The following MTSS1 variants were observed in gnomAD, a reference collection of about 807,000 sequenced individuals.
MTSS1 encodes the protein protein MTSS 1.
In MTSS1, 18 loss-of-function variants were observed where a neutral mutation model predicts 79.0. The ratio of observed to expected loss-of-function variants is 0.23; its 90% CI spans 0.16 to 0.34. The LOEUF (loss-of-function observed/expected upper bound fraction) is 0.34. Ranked by LOEUF, MTSS1 falls within the 10% of genes least tolerant of loss-of-function variation. The pLI is 1.00. For synonymous variants in MTSS1, 341 were observed against 368.6 expected (o/e 0.93, Z 0.86); for missense variants, 815 against 986.2 (o/e 0.83, Z 2.33).
intron 11 of MTSS1, among the ~76,000 whole-genome samples, chr8:124,556,996 C>T (rs890921273): frequency 3.3e-5 from 5 of 152,224 alleles, no homozygotes; most frequent in African/African-American, 7.2e-5. Context: ...CTGCTTAAAA[C>T]GCTGGCAGCC....
intron 6 of MTSS1, among the ~76,000 whole-genome samples, chr8:124,584,435 A>G (rs1830512232): frequency 6.6e-6 from 1 of 152,216 alleles, no homozygotes; most frequent in Non-Finnish European, 1.5e-5. Flanking sequence ...GTGCTTGCAA[A>G]GTGGATGCTG....
At chr8:124,630,913 C>G (rs1163255292) in intron 3 of MTSS1, among the ~76,000 whole-genome samples, 1 of 152,226 alleles carries the variant, frequency 6.6e-6, no homozygotes, top group Non-Finnish European at 1.5e-5. Context: ...CCATGGCATT[C>G]TGAACCTGCT....
intron 3 of MTSS1, among the ~76,000 whole-genome samples, chr8:124,685,069 G>A (rs2135075049): frequency 6.6e-6 from 1 of 152,254 alleles, no homozygotes; most frequent in Admixed American, 6.5e-5. Flanking sequence ...TATAAACCAA[G>A]AAATTCACTA....
intron 1 of MTSS1, among the ~76,000 whole-genome samples, chr8:124,722,140 A>G (rs1282326149): frequency 2.0e-5 from 3 of 151,724 alleles, no homozygotes; most frequent in Admixed American, 2.0e-4. Flanking sequence ...TTTTTCACCC[A>G]CTTACATTAG....
chr8:124,575,051 A>G (rs1443096265), intron 6 of MTSS1, among the ~76,000 whole-genome samples: 1 of 152,182 alleles, frequency 6.6e-6, no homozygotes, highest in Non-Finnish European at 1.5e-5. Context: ...CAAATGAAAC[A>G]TGGGATATAA....
chr8:124,598,431 G>A (rs910033145), intron 3 of MTSS1, among the ~76,000 whole-genome samples: 12 of 152,250 alleles, frequency 7.9e-5, no homozygotes, highest in Admixed American at 2.6e-4. Context: ...GTCCCCAGGG[G>A]GCAAACTCGT....
At chr8:124,650,626 C>T (rs749110862) in intron 3 of MTSS1, among the ~76,000 whole-genome samples, 12 of 152,170 alleles carry the variant, frequency 7.9e-5, no homozygotes, top group Non-Finnish European at 1.5e-4. Context: ...CTGCCATGCA[C>T]GAACATCACA....
chr8:124,659,079 T>G (rs1821516369), intron 3 of MTSS1, among the ~76,000 whole-genome samples: 1 of 152,218 alleles, frequency 6.6e-6, no homozygotes, highest in Non-Finnish European at 1.5e-5. Flanking sequence ...CCTCTTAATA[T>G]TAACCTGCCA....
chr8:124,690,173 C>T (rs538497612), intron 3 of MTSS1, among the ~76,000 whole-genome samples: 5 of 152,346 alleles, frequency 3.3e-5, no homozygotes, highest in Admixed American at 1.3e-4. Context: ...GCCGCCGCCA[C>T]CACCATCGCA....
Position 124,727,662 on chromosome 8 carries a change from G to A in MTSS1, c.72+222C>T, listed in dbSNP as rs1833929418. ...GACAATGAGCGGGGGAGATGGCGTG[G>A]GACAGCAGACACCCCCCAGAGAAGC... On this transcript the variant is annotated intron_variant, in intron 1 of 13. Coordinates refer to ENST00000518547, the MANE Select transcript of MTSS1 (RefSeq NM_014751.6). The surrounding 1 kb of genome is among the most constrained non-coding windows in gnomAD (Gnocchi z 4.7). The A allele has an allele frequency of 1.1e-5, 7 of 665,722 alleles. No homozygotes were observed. Among genetic ancestry groups the A allele is most frequent in the Non-Finnish European group, 1.9e-5 (7 of 361,702 alleles). 41.2% of individuals were successfully genotyped at this position (665,722 alleles called of 1,614,324 possible). A position where few individuals can be genotyped will look rare whatever the true frequency, so the allele number is the denominator to read the frequency against.
intron 6 of MTSS1, among the ~76,000 whole-genome samples, chr8:124,573,934 C>T (rs190893713): frequency 6.6e-6 from 1 of 152,322 alleles, no homozygotes; most frequent in East Asian, 1.9e-4. Context: ...GAAAATGTTC[C>T]TGGGGCAAAG....
intron 3 of MTSS1, among the ~76,000 whole-genome samples, chr8:124,612,473 T>C (rs186627817): frequency 6.6e-6 from 1 of 152,284 alleles, no homozygotes; most frequent in East Asian, 1.9e-4. Flanking sequence ...AATTACCCAG[T>C]TGTTACAAAG....
intron 3 of MTSS1, among the ~76,000 whole-genome samples, chr8:124,651,625 C>A (rs1819988456): frequency 6.6e-6 from 1 of 152,150 alleles, no homozygotes; most frequent in South Asian, 2.1e-4. Flanking sequence ...AAAGCATTTG[C>A]AAGAAAAGCA....
intron 10 of MTSS1, among the ~76,000 whole-genome samples, chr8:124,561,444 C>T (rs1318848568): frequency 6.6e-6 from 1 of 152,116 alleles, no homozygotes; most frequent in Non-Finnish European, 1.5e-5. Context: ...AAACAAAAAG[C>T]TACCCTAGAG....
At chr8:124,640,832 G>A (rs1481054447) in intron 3 of MTSS1, among the ~76,000 whole-genome samples, 2 of 152,040 alleles carry the variant, frequency 1.3e-5, no homozygotes, top group Non-Finnish European at 2.9e-5. Flanking sequence ...GTGAGCCACC[G>A]TGCCCGGCCT....
chr8:124,559,071 C>T (rs774504010), intron 10 of MTSS1, among the ~76,000 whole-genome samples: 1 of 152,180 alleles, frequency 6.6e-6, no homozygotes, highest in Non-Finnish European at 1.5e-5. Context: ...GCGTGCGACC[C>T]GGCCAGCCCT....
chr8:124,671,188 C>T (rs530961016), intron 3 of MTSS1, among the ~76,000 whole-genome samples: 58 of 152,076 alleles, frequency 3.8e-4, no homozygotes, highest in Non-Finnish European at 2.2e-4. Flanking sequence ...ACTTTTCTCC[C>T]CATAAGATTT....
At chr8:124,703,855 C>G (rs182058916) in intron 2 of MTSS1, among the ~76,000 whole-genome samples, 1 of 152,126 alleles carries the variant, frequency 6.6e-6, no homozygotes, top group Admixed American at 6.5e-5. Flanking sequence ...AAATGTTACC[C>G]GTTGCTACCT....
At chr8:124,629,686 C>A (rs1468038240) in intron 3 of MTSS1, among the ~76,000 whole-genome samples, 1 of 152,030 alleles carries the variant, frequency 6.6e-6, no homozygotes, top group African/African-American at 2.4e-5. Flanking sequence ...CGTTAAGTGG[C>A]CTCCTGTCCT....
Sources: allele counts gnomAD v4.1 joint callset (sites outside exome capture counted in the v4.1 genomes callset), GRCh38; gene constraint gnomAD v4.1.1; non-coding constraint Gnocchi (gnomAD v3.1); transcripts MANE v1.5; gene names NCBI Gene and HGNC (gene_info 2026-07-23, HGNC 2026-07-21).